DDI2: variants seen among roughly 807,000 people sequenced by gnomAD.
DDI2 encodes the protein protein DDI1 homolog 2.
In DDI2, 5 loss-of-function variants were observed where a neutral mutation model predicts 48.1. The ratio of observed to expected loss-of-function variants is 0.10; its 90% CI spans 0.05 to 0.22. The LOEUF is 0.22. Ranked by LOEUF, DDI2 falls within the 10% of genes least tolerant of loss-of-function variation. The pLI, the probability that DDI2 is intolerant of heterozygous loss-of-function variation, is 1.00. For missense variants in DDI2, 285 were observed against 506.2 expected (o/e 0.56, Z 4.19); for synonymous variants, 205 against 183.6 (o/e 1.12, Z -0.94).
At position 15,660,640 on chromosome 1, in the gene DDI2, C is replaced by G. The variant is rs373711257; in HGVS notation, c.*850C>G. The stretch of plus-strand genomic sequence containing the variant: ...GGAAATCGATACAGCTCAACAGTCC[C>G]TAGTTACTTTGCTTAATTCAACAGG... On this transcript the variant is annotated 3_prime_UTR_variant, in exon 10 of 10. Coordinates refer to ENST00000480945, the MANE Select transcript of DDI2 (RefSeq NM_032341.5). The G allele has an allele frequency of 6.8e-6, 11 of 1,614,052 alleles. No individual in the cohort carries two copies. In the African/African-American group the frequency reaches 1.5e-4, roughly 22 times the overall value.
rs1004952096 is a variant in DDI2 at position 15,663,061 on chromosome 1, C to T, written c.*3271C>T. ...CTGGATAGGTTTTAGATAATTCTTT[C>T]CTGGCAAACTGCTCTTTTGGGTACC... On this transcript the variant is annotated 3_prime_UTR_variant, in exon 10 of 10. Transcript: ENST00000480945. 1.3e-5 allele frequency: 2 copies of T among 152,078 alleles called. No homozygotes were observed. The highest frequency in any genetic ancestry group is 2.4e-5 in the African/African-American group (1 of 41,396). The allele number at this position is 152,078 out of a possible 1,614,324, so 9.4% of individuals were successfully genotyped here.
At chr1:15,618,753 T>G (rs746395291) in intron 1 of DDI2, among the ~76,000 whole-genome samples, 1 of 152,210 alleles carries the variant, frequency 6.6e-6, no homozygotes. Context: ...ACTAAAACAC[T>G]TAGATCATGA....
chr1:15,657,044 T>A, intron 9 of DDI2: 1 of 170,036 alleles, frequency 5.9e-6, no homozygotes, highest in Non-Finnish European at 1.3e-5. Flanking sequence ...GCCTTTCCTC[T>A]GAAAAACTGA....
rs780934427 is a variant in DDI2 at position 15,660,611 on chromosome 1, T to G, written c.*821T>G. 4 of 1,614,076 alleles carry G rather than the reference T, an allele frequency of 2.5e-6. No homozygotes were observed. In the Admixed American group the frequency reaches 6.7e-5, roughly 27 times the overall value. ...AGTGGCTGCTCAAATTCAGAAACATTTATGGAAATCGATACAGCTCAACAG... is the reference window on the plus strand; with the variant it reads ...AGTGGCTGCTCAAATTCAGAAACATGTATGGAAATCGATACAGCTCAACAG... On this transcript the variant is annotated 3_prime_UTR_variant, in exon 10 of 10. Coordinates refer to ENST00000480945, the MANE Select transcript of DDI2 (RefSeq NM_032341.5).
At chr1:15,649,319 G>A (rs982552949) in intron 6 of DDI2, among the ~76,000 whole-genome samples, 10 of 151,988 alleles carry the variant, frequency 6.6e-5, no homozygotes, top group African/African-American at 2.4e-4. Flanking sequence ...CCGAGATCAC[G>A]CCACTGCACT....
intron 1 of DDI2, among the ~76,000 whole-genome samples, chr1:15,625,553 A>G (rs1639739130): frequency 6.6e-6 from 1 of 152,058 alleles, no homozygotes; most frequent in African/African-American, 2.4e-5. Flanking sequence ...TATTAGTAGT[A>G]CATTCCTAAT....
In DDI2 at chr1:15,649,839, A is replaced by G; in HGVS notation, c.993+16A>G. The G allele has an allele frequency of 6.3e-7, 1 of 1,598,000 alleles. No individual in the cohort carries two copies. The highest frequency in any genetic ancestry group is 1.1e-5 in the South Asian group (1 of 87,802). ...ACGGCACCAGGTAATTAAGAGCTTC[A>G]CTTATTTTTTTTGCATCTGCTTTTT... On this transcript the variant is annotated intron_variant, in intron 7 of 9. Transcript: ENST00000480945.
rs953791376 is a variant in DDI2, at chr1:15,630,160, C to T, written c.269-165C>T. 4.6e-5 allele frequency among the ~76,000 whole-genome samples: 7 copies of T among 152,144 alleles called. No homozygotes were observed. The East Asian group carries it at 7.7e-4, about 17-fold the overall frequency. The stretch of plus-strand genomic sequence containing the variant: ...CTTCTTCTATCGATTCACTCTCAGC[C>T]GGCAGTCTTTATATTCAGAGTCATC... On this transcript the variant is annotated intron_variant, in intron 2 of 9. Coordinates refer to ENST00000480945, the MANE Select transcript of DDI2 (RefSeq NM_032341.5).
At chr1:15,624,565 T>A (rs145986988) in intron 1 of DDI2, among the ~76,000 whole-genome samples, 46 of 152,258 alleles carry the variant, frequency 3.0e-4, no homozygotes, top group African/African-American at 1.1e-3. Flanking sequence ...CCTCCTGGGC[T>A]CAAGCAATCC....
intron 6 of DDI2, 110 bp from the exon 7 acceptor site, chr1:15,649,610 G>A: frequency 2.0e-6 from 2 of 986,312 alleles, no homozygotes; most frequent in Non-Finnish European, 2.9e-6. Context: ...GGCAGAGGTT[G>A]CCATCAGCCA....
chr1:15,643,746 T>C lies in DDI2; in HGVS notation c.889+96T>C, dbSNP rs183847115. ...TTTTTAGAGGGTCTTTTGTTGTTAT[T>C]TTGTTGTTGTTGTTTTAAATTTCTT... is the stretch of plus-strand genomic sequence containing the variant. On this transcript the variant is annotated intron_variant, in intron 6 of 9. Coordinates refer to ENST00000480945, the MANE Select transcript of DDI2 (RefSeq NM_032341.5). 2.9e-3 allele frequency: 4,351 copies of C among 1,497,184 alleles called. 8 individuals carry two copies. The highest frequency in any genetic ancestry group is 3.3e-3 in the Non-Finnish European group (3,710 of 1,119,038). The allele number at this position is 1,497,184 out of a possible 1,614,324, so 92.7% of individuals were successfully genotyped here. A position where few individuals can be genotyped will look rare whatever the true frequency, so the allele number is the denominator to read the frequency against.
In DDI2 at chr1:15,660,886, C is replaced by A. The variant is rs1640361911; in HGVS notation, c.*1096C>A. The A allele has an allele frequency of 6.2e-7, 1 of 1,614,080 alleles. No individual in the cohort carries two copies. ...TCCAAGTCTCTGTGGCAGTTGTCAG[C>A]CTTCTGTGGAGTCAGCAGAAGAATC... On this transcript the variant is annotated 3_prime_UTR_variant, in exon 10 of 10. Transcript: ENST00000480945.
At chr1:15,617,911 G>C in intron 1 of DDI2, 103 bp downstream of exon 1, 1 of 1,369,554 alleles carries the variant, frequency 7.3e-7, no homozygotes, top group Non-Finnish European at 9.5e-7. Flanking sequence ...GGGCTGGGGG[G>C]AGCAAGGATA....
intron 3 of DDI2, among the ~76,000 whole-genome samples, chr1:15,631,634 A>G (rs1480059548): frequency 6.6e-6 from 1 of 152,146 alleles, no homozygotes; most frequent in East Asian, 1.9e-4. Flanking sequence ...CTGTAACCCC[A>G]ATCAAGACAC....
chr1:15,666,170 A>G lies in DDI2; in HGVS notation c.*6380A>G, dbSNP rs1357833218. The G allele has an allele frequency of 6.6e-6, 1 of 152,222 alleles. No individual in the cohort carries two copies. The highest frequency in any genetic ancestry group is 1.5e-5 in the Non-Finnish European group (1 of 68,040). The allele number at this position is 152,222 out of a possible 1,614,324, so 9.4% of individuals were successfully genotyped here. ...AACTGGAAATGTAAAATCATGGTTC[A>G]AGTTTTATACCTTAGTGATTCCTCA... On this transcript the variant is annotated 3_prime_UTR_variant, in exon 10 of 10. Transcript: ENST00000480945.
At position 15,663,361 on chromosome 1, in the gene DDI2, C is replaced by T. The variant is rs1384999797; in HGVS notation, c.*3571C>T. ...CACTTAGAGACATTTTTTTCTACCC[C>T]ATCCAACTTCTTTCTTTCCTTTTGC... is the stretch of plus-strand genomic sequence containing the variant. On this transcript the variant is annotated 3_prime_UTR_variant, in exon 10 of 10. Transcript: ENST00000480945. The T allele has an allele frequency of 2.6e-5, 4 of 152,132 alleles. No homozygotes were observed. Among genetic ancestry groups the T allele is most frequent in the African/African-American group, 9.7e-5 (4 of 41,442 alleles). The allele number at this position is 152,132 out of a possible 1,614,324, so 9.4% of individuals were successfully genotyped here. A position where few individuals can be genotyped will look rare whatever the true frequency, so the allele number is the denominator to read the frequency against.
In DDI2 at chr1:15,652,455, G is replaced by T. The variant is rs868091326; in HGVS notation, c.1183+560G>T. Among the ~76,000 whole-genome samples the T allele has an allele frequency of 2.3e-4, 25 of 107,124 alleles. 5 individuals carry two copies. In the Middle Eastern group the frequency reaches 0.013, roughly 54 times the overall value. The allele number at this position is 107,124 out of a possible 152,430, so 70.3% of individuals were successfully genotyped here. ...GCACTTTGGGAGGCTCCGGAGGGGG[G>T]GGGGGGGGGGCGGATCACCTGAGGT... is the stretch of plus-strand genomic sequence containing the variant. On this transcript the variant is annotated intron_variant, in intron 8 of 9. Transcript: ENST00000480945.
rs181325217 is a variant in DDI2 at position 15,651,020 on chromosome 1, A to C, written c.994-686A>C. Among the ~76,000 whole-genome samples, 47 of 150,492 alleles carry C rather than the reference A, an allele frequency of 3.1e-4. No individual in the cohort carries two copies. The East Asian group carries it at 8.9e-3, about 28-fold the overall frequency. On this transcript the variant is annotated intron_variant, in intron 7 of 9. Coordinates refer to ENST00000480945, the MANE Select transcript of DDI2 (RefSeq NM_032341.5). ...CAGGCACCCATCACCACGCCCGGCT[A>C]ATTTTTGTATTTGTAGTAGAGACGG...
intron 3 of DDI2, among the ~76,000 whole-genome samples, chr1:15,633,095 A>C (rs1639872770): frequency 6.6e-6 from 1 of 151,432 alleles, no homozygotes; most frequent in Non-Finnish European, 1.5e-5. Flanking sequence ...CGCCCAACTA[A>C]TTTTTATATT....
Sources: allele counts gnomAD v4.1 joint callset (sites outside exome capture counted in the v4.1 genomes callset), GRCh38; gene constraint gnomAD v4.1.1; transcripts MANE v1.5; gene names NCBI Gene and HGNC (gene_info 2026-07-23, HGNC 2026-07-21).